The following RNF38 variants were observed in gnomAD, a reference collection of about 807,000 sequenced individuals.
RNF38 encodes the protein ring finger protein 38, also known as E3 ubiquitin-protein ligase RNF38.
RNF38 carries 15 observed loss-of-function variants against 67.2 expected under a neutral mutation model. The observed-to-expected ratio is 0.22, with a 90% CI of 0.15 to 0.34. The LOEUF is 0.34. RNF38 is among the 10% of genes least tolerant of loss of function. The probability of loss-of-function intolerance (pLI) is 1.00; values close to 1 mark genes in which losing one functional copy is unlikely to be tolerated. For synonymous variants in RNF38, 220 were observed against 218.8 expected (o/e 1.01, Z -0.05); for missense variants, 524 against 639.9 (o/e 0.82, Z 1.95).
In RNF38 at chr9:36,347,141, G is replaced by A. The variant is rs1374612837; in HGVS notation, c.1264-2188C>T. Among the ~76,000 whole-genome samples the A allele has an allele frequency of 1.4e-3, 57 of 41,994 alleles. 4 individuals are homozygous for A. In the East Asian group the frequency reaches 0.044, roughly 32 times the overall value. The allele number at this position is 41,994 out of a possible 152,430, so 27.5% of individuals were successfully genotyped here. On this transcript the variant is annotated intron_variant, in intron 9 of 11. Transcript: ENST00000259605. ...ATCTCGGGGGGGGGGGGGGGGGGGG[G>A]GGGGGGGGAAGTAAATTGCCAAATT... is the stretch of plus-strand genomic sequence containing the variant.
At chr9:36,389,513 T>C (rs775291281) in intron 2 of RNF38, among the ~76,000 whole-genome samples, 3 of 152,200 alleles carry the variant, frequency 2.0e-5, no homozygotes, top group Non-Finnish European at 4.4e-5. Flanking sequence ...TCTTAGCCTG[T>C]TTCCACATCT....
intron 2 of RNF38, among the ~76,000 whole-genome samples, chr9:36,414,227 G>A (rs1345474953): frequency 6.6e-6 from 1 of 152,126 alleles, no homozygotes; most frequent in African/African-American, 2.4e-5. Flanking sequence ...GGAGCATTTA[G>A]GCCATTTACA....
upstream of RNF38, among the ~76,000 whole-genome samples, chr9:36,401,799 G>A (rs1019415283): frequency 3.3e-5 from 5 of 152,234 alleles, no homozygotes; most frequent in African/African-American, 1.2e-4. Flanking sequence ...TTTCCCGCAA[G>A]GATGGTGATC....
In RNF38 at chr9:36,451,767, T is replaced by G. The variant is rs527239874; in HGVS notation, n.242-27084A>C. On this transcript the variant is annotated intron_variant and non_coding_transcript_variant, in intron 1 of 3. Transcript: ENST00000488058. ...CGCCCACCTCGGCCTCCCAAAGTGCTGGGATTACAGGCATTAGCCACTGCA... is the reference window on the plus strand; with the variant it reads ...CGCCCACCTCGGCCTCCCAAAGTGCGGGGATTACAGGCATTAGCCACTGCA... Among the ~76,000 whole-genome samples the G allele has an allele frequency of 7.9e-5, 12 of 151,982 alleles. No individual in the cohort carries two copies. The East Asian group carries it at 2.4e-3, about 30-fold the overall frequency.
At chr9:36,476,093 G>C (rs1840115141) in intron 1 of RNF38, among the ~76,000 whole-genome samples, 1 of 151,402 alleles carries the variant, frequency 6.6e-6, no homozygotes, top group South Asian at 2.1e-4. Context: ...GCTAAAATAA[G>C]TCATTGCTAA....
At chr9:36,475,504 C>A (rs1840102117) in intron 1 of RNF38, among the ~76,000 whole-genome samples, 1 of 151,468 alleles carries the variant, frequency 6.6e-6, no homozygotes, top group South Asian at 2.1e-4. Flanking sequence ...ATTACAGGCG[C>A]CCACCACCAC....
At chr9:36,341,886 T>A (rs1832878576) in intron 11 of RNF38, among the ~76,000 whole-genome samples, 1 of 71,062 alleles carries the variant, frequency 1.4e-5, no homozygotes. Context: ...CTGCAATAAT[T>A]TCACTCTGGC....
intron 2 of RNF38, among the ~76,000 whole-genome samples, chr9:36,417,114 G>A (rs900180432): frequency 3.9e-5 from 6 of 152,074 alleles, no homozygotes; most frequent in African/African-American, 1.4e-4. Context: ...TCAGCTCCAG[G>A]TAAGGTTAAA....
chr9:36,412,849 G>A (rs1838360976), intron 2 of RNF38, among the ~76,000 whole-genome samples: 1 of 152,174 alleles, frequency 6.6e-6, no homozygotes, highest in Non-Finnish European at 1.5e-5. Context: ...AAGGCGGGTG[G>A]ATCACCTGAG....
chr9:36,454,309 G>C (rs991393169), intron 1 of RNF38, among the ~76,000 whole-genome samples: 1 of 151,958 alleles, frequency 6.6e-6, no homozygotes, highest in African/African-American at 2.4e-5. Flanking sequence ...TGTATTTTTA[G>C]TAGAGACGTG....
At chr9:36,344,405 A>G (rs1833065936) in intron 10 of RNF38, among the ~76,000 whole-genome samples, 1 of 152,196 alleles carries the variant, frequency 6.6e-6, no homozygotes, top group Admixed American at 6.5e-5. Context: ...TTAAGCAGAA[A>G]TTTTAGGTAA....
intron 9 of RNF38, among the ~76,000 whole-genome samples, chr9:36,348,184 TAAAGGC>T (rs994573105): frequency 5.3e-5 from 8 of 151,330 alleles, no homozygotes; most frequent in Non-Finnish European, 1.0e-4. Flanking sequence ...AACCATGTTC[TAAAGGC>T]AAAGGCAAAG....
upstream of RNF38, chr9:36,400,665 C>G (rs1325408713): frequency 1.0e-6 from 1 of 985,686 alleles, no homozygotes; most frequent in African/African-American, 1.7e-5. Context: ...GATCCGCCGT[C>G]CGCGGGCCTC....
chr9:36,380,722 G>C (rs892666266), intron 2 of RNF38, among the ~76,000 whole-genome samples: 1 of 152,134 alleles, frequency 6.6e-6, no homozygotes, highest in Non-Finnish European at 1.5e-5. Flanking sequence ...TCAAACTCCT[G>C]GGCTCAAGCA....
intron 3 of RNF38, among the ~76,000 whole-genome samples, chr9:36,371,618 T>A (rs1835383755): frequency 6.6e-6 from 1 of 151,842 alleles, no homozygotes; most frequent in African/African-American, 2.4e-5. Context: ...AGTTAATTTT[T>A]TTTTTGTATT....
At chr9:36,482,908 G>C (rs1340227460) in intron 1 of RNF38, among the ~76,000 whole-genome samples, 1 of 152,180 alleles carries the variant, frequency 6.6e-6, no homozygotes, top group African/African-American at 2.4e-5. Context: ...GCAGAGCAGT[G>C]CTAGATCACA....
intron 5 of RNF38, among the ~76,000 whole-genome samples, 192 bp from the exon 6 acceptor site, chr9:36,356,665 T>G (rs1043613800): frequency 4.0e-5 from 6 of 151,612 alleles, no homozygotes; most frequent in African/African-American, 1.2e-4. Context: ...CTAATAACTA[T>G]TCTGTATTTT....
chr9:36,389,080 C>T (rs1055357760), intron 2 of RNF38, among the ~76,000 whole-genome samples: 1 of 152,030 alleles, frequency 6.6e-6, no homozygotes. Context: ...CCTTCTAGAT[C>T]CCCCTCCACC....
At chr9:36,487,539 C>A in exon 1 of RNF38, 1 of 980,476 alleles carries the variant, frequency 1.0e-6, no homozygotes, top group Non-Finnish European at 1.2e-6. Flanking sequence ...GCAGCGACCG[C>A]GGCGGCCGCG....
Sources: gnomAD v4.1 joint callset for allele counts (sites outside exome capture counted in the v4.1 genomes callset) on GRCh38, gnomAD v4.1.1 for gene constraint, MANE v1.5 for transcripts, NCBI Gene and HGNC (gene_info 2026-07-23, HGNC 2026-07-21) for gene names.